The following CELSR3 variants were observed in gnomAD, a reference collection of about 807,000 sequenced individuals.
CELSR3 encodes the protein EGF-like protein 1.
A neutral mutation model predicts 270.0 loss-of-function variants in CELSR3; 73 were observed. The observed-to-expected ratio is 0.27, with a 90% CI of 0.22 to 0.33. The LOEUF is 0.33. Among genes scored for constraint, CELSR3 ranks in the 10% least tolerant of loss-of-function variants. The pLI is 1.00. For synonymous variants in CELSR3, 1,780 were observed against 1,905.4 expected, an observed-to-expected ratio of 0.93 and a Z score of 1.71; for missense variants, 3,614 against 4,533.8, an observed-to-expected ratio of 0.80 and a Z score of 5.83.
At position 48,642,191 on chromosome 3, in the gene CELSR3, G is replaced by T; in HGVS notation, c.8665+167C>A. The stretch of plus-strand genomic sequence containing the variant: ...TATCAGAGGGAAGGACGAATCAGGA[G>T]TGGACTGGGAGAACCAGGGCTGGAG... On this transcript the variant is annotated intron_variant, in intron 31 of 34. Coordinates refer to ENST00000164024, the MANE Select transcript of CELSR3 (RefSeq NM_001407.3). The surrounding 1 kb of genome is among the most constrained non-coding windows in gnomAD (Gnocchi z 6.1). The T allele has an allele frequency of 1.1e-6, 1 of 880,512 alleles. No individual in the cohort carries two copies. Among genetic ancestry groups the T allele is most frequent in the Non-Finnish European group, 1.7e-6 (1 of 591,128 alleles). 54.5% of individuals were successfully genotyped at this position (880,512 alleles called of 1,614,324 possible). A position where few individuals can be genotyped will look rare whatever the true frequency, so the allele number is the denominator to read the frequency against.
chr3:48,649,262 G>T, intron 16 of CELSR3, 47 bp from the exon 17 acceptor site: 2 of 1,470,392 alleles, frequency 1.4e-6, no homozygotes, highest in Non-Finnish European at 1.9e-6. Flanking sequence ...GGATACCTTT[G>T]CTGAGGAGAT....
intron 16 of CELSR3, among the ~76,000 whole-genome samples, chr3:48,649,513 C>G: frequency 6.6e-6 from 1 of 152,238 alleles, no homozygotes; most frequent in East Asian, 1.9e-4. Context: ...CTGGTTCACA[C>G]AGACACACAC....
In CELSR3 at chr3:48,660,157, G is replaced by A. The variant is rs142198045; in HGVS notation, c.2478C>T (p.Tyr826=). 103 of 1,614,058 alleles carry A rather than the reference G, an allele frequency of 6.4e-5. No homozygotes were observed. Among genetic ancestry groups the A allele is most frequent in the Non-Finnish European group, 8.3e-5 (98 of 1,180,050 alleles). The change falls in exon 1 of 35, where the codon TAC becomes TAT. Residue 826 remains tyrosine, a synonymous_variant. Transcript: ENST00000164024. The surrounding 1 kb of genome is among the most constrained non-coding windows in gnomAD (Gnocchi z 5.5). ...CAGATGCAGTTAGTACCAGCTTGAA[G>A]TAGCGTTCCTGCTTGTAGTCCAGTG... ...ALPLDYKQER[Y]FKLVLTASDR... is the part of the protein sequence containing the mutation.
rs371942613 is a variant in CELSR3, at chr3:48,641,288, G to A, written c.9025+36C>T. On this transcript the variant is annotated intron_variant, in intron 33 of 34. Coordinates refer to ENST00000164024, the MANE Select transcript of CELSR3 (RefSeq NM_001407.3). This position sits in a 1 kb window ranked among gnomAD's most constrained non-coding sequence, Gnocchi z 4.8. The stretch of plus-strand genomic sequence containing the variant: ...GCTCAGGGCATGAGCAGCCCCCAGC[G>A]TGTCTGCGGTGTGGGCCAGGGCTCA... 36 of 1,375,320 alleles carry A rather than the reference G, an allele frequency of 2.6e-5. No individual in the cohort carries two copies. Among genetic ancestry groups the A allele is most frequent in the South Asian group, 4.7e-5 (4 of 85,624 alleles). 85.2% of individuals were successfully genotyped at this position (1,375,320 alleles called of 1,614,324 possible). A position where few individuals can be genotyped will look rare whatever the true frequency, so the allele number is the denominator to read the frequency against.
chr3:48,659,702 G>A lies in CELSR3; in HGVS notation c.2933C>T (p.Thr978Ile). 1 of 1,614,242 alleles carries A rather than the reference G, an allele frequency of 6.2e-7. No homozygotes were observed. Among genetic ancestry groups the A allele is most frequent in the Non-Finnish European group, 8.5e-7 (1 of 1,180,042 alleles). The change falls in exon 1 of 35, where the codon ACC becomes ATC. Residue 978 changes from threonine (T) to isoleucine (I), a missense_variant. Physicochemically the swap from Thr to Ile is moderately conservative, Grantham distance 89 (BLOSUM62 -1). This residue lies in a region of CELSR3 where 1,331 missense variants were observed against 1,933.7 expected (regional missense o/e 0.69). Coordinates refer to ENST00000164024, the MANE Select transcript of CELSR3 (RefSeq NM_001407.3). The surrounding 1 kb of genome is among the most constrained non-coding windows in gnomAD (Gnocchi z 8.1). ...AGTGGCTGAGATCTGCAGGACACTG[G>A]TGAAAGGTGGGGCATCCTCAGAGAC... Reference protein sequence around the residue: ...GLVSEDAPPFTSVLQISATDR... With the variant: ...GLVSEDAPPFISVLQISATDR...
rs745542801 is a variant in CELSR3, at chr3:48,659,955, T to C, written c.2680A>G (p.Thr894Ala). Residue 894 changes from threonine to alanine, a missense_variant, in exon 1 of 35, where the codon ACC becomes GCC. Physicochemically the swap from Thr to Ala is moderately conservative, Grantham distance 58. Coordinates refer to ENST00000164024, the MANE Select transcript of CELSR3 (RefSeq NM_001407.3). This position sits in a 1 kb window ranked among gnomAD's most constrained non-coding sequence, Gnocchi z 8.1. ...DDDVGENARITYLLEDNLPQF... is the reference protein window; with the variant it reads ...DDDVGENARIAYLLEDNLPQF... The stretch of plus-strand genomic sequence containing the variant: ...GGCAGGTTGTCCTCCAGGAGATAGG[T>C]GATACGAGCATTCTCACCCACGTCA... The C allele has an allele frequency of 7.4e-6, 12 of 1,613,978 alleles. No individual in the cohort carries two copies. The highest frequency in any genetic ancestry group is 1.3e-5 in the African/African-American group (1 of 74,888).
intron 16 of CELSR3, among the ~76,000 whole-genome samples, chr3:48,649,446 A>T (rs921127429): frequency 1.3e-5 from 2 of 152,366 alleles, no homozygotes; most frequent in South Asian, 4.1e-4. Context: ...CACACAAAGC[A>T]CAAGGGTGGG....
chr3:48,653,677 G>A lies in CELSR3; in HGVS notation c.5390C>T (p.Ala1797Val). The change falls in exon 9 of 35, where the codon GCA becomes GTA. Residue 1797 changes from alanine (A) to valine (V), a missense_variant. This residue lies in a region of CELSR3 where 1,331 missense variants were observed against 1,933.7 expected (regional missense o/e 0.69). Transcript: ENST00000164024. This position sits in a 1 kb window ranked among gnomAD's most constrained non-coding sequence, Gnocchi z 6.5. ...WYLGLAFRTR[A>V]TQGVLMQVQA... ...CACTTGCATCAGGACCCCCTGCGTT[G>A]CCCGTGTCCGAAATGCCAGCCCCAG... 6.2e-7 allele frequency: 1 copy of A among 1,614,182 alleles called. No individual in the cohort carries two copies. Among genetic ancestry groups the A allele is most frequent in the Non-Finnish European group, 8.5e-7 (1 of 1,180,030 alleles).
Position 48,657,055 on chromosome 3 carries a change from T to C in CELSR3, c.4042A>G (p.Ser1348Gly). 6.2e-7 allele frequency: 1 copy of C among 1,613,698 alleles called. No homozygotes were observed. The highest frequency in any genetic ancestry group is 2.2e-5 in the East Asian group (1 of 44,878). Residue 1348 changes from serine (S) to glycine (G), a missense_variant, in exon 2 of 35, where the codon AGC (serine) becomes GGC (glycine). Ser to Gly is a moderately conservative substitution (Grantham distance 56). Transcript: ENST00000164024. The surrounding 1 kb of genome is among the most constrained non-coding windows in gnomAD (Gnocchi z 5.4). ...AACTGCTCCTGCAGCTCCTCGGAGC[T>C]GAACCAGGGCCCTGCAGCGCCCGCC... ...AGAGAAGPWF[S>G]SEELQEQLYV...
rs947051812 is a variant in CELSR3 at position 48,636,474 on chromosome 3, G to C, written c.*1731C>G. 8.5e-5 allele frequency: 13 copies of C among 152,184 alleles called. No homozygotes were observed. The highest frequency in any genetic ancestry group is 3.1e-4 in the African/African-American group (13 of 41,428). 9.4% of individuals were successfully genotyped at this position (152,184 alleles called of 1,614,324 possible). A position where few individuals can be genotyped will look rare whatever the true frequency, so the allele number is the denominator to read the frequency against. ...GAAAAGGCAACAACTGTTTTCTATA[G>C]AAGTTTATTCCCAAAACAGAGCGCG... On this transcript the variant is annotated 3_prime_UTR_variant, in exon 35 of 35. Coordinates refer to ENST00000164024, the MANE Select transcript of CELSR3 (RefSeq NM_001407.3).
rs1229657789 is a variant in CELSR3 at position 48,639,959 on chromosome 3, C to G, written c.9626G>C (p.Ser3209Thr). The G allele has an allele frequency of 3.1e-5, 50 of 1,612,750 alleles. No individual in the cohort carries two copies. Among genetic ancestry groups the G allele is most frequent in the Non-Finnish European group, 4.1e-5 (48 of 1,180,012 alleles). Residue 3209 changes from serine (S) to threonine (T), a missense_variant, in exon 34 of 35, where the codon AGC becomes ACC. Ser to Thr is a moderately conservative substitution (Grantham distance 58). Around this residue, in one of 7 missense-constraint regions of CELSR3, gnomAD observed 1,240 missense variants for 1,351.7 expected, o/e 0.92. Coordinates refer to ENST00000164024, the MANE Select transcript of CELSR3 (RefSeq NM_001407.3). This position sits in a 1 kb window ranked among gnomAD's most constrained non-coding sequence, Gnocchi z 4.1. The stretch of plus-strand genomic sequence containing the variant: ...AAGGGCTTCTCGTGAGGGGTGCCGG[C>G]TAGGCACCTGGTCCAGCTGCTCCCG... ...NSREQLDQVP[S>T]RHPSREALGP...
chr3:48,638,751 C>T (rs2106693867), intron 34 of CELSR3, among the ~76,000 whole-genome samples: 1 of 150,816 alleles, frequency 6.6e-6, no homozygotes, highest in South Asian at 2.1e-4. Context: ...CGTGGGTTAG[C>T]TCCCTCTGGT....
chr3:48,656,419 G>A (rs943808197), intron 2 of CELSR3, 54 bp from the exon 3 acceptor site: 2 of 1,368,004 alleles, frequency 1.5e-6, no homozygotes, highest in South Asian at 1.7e-5. Context: ...CCCCTGCTCC[G>A]GCCCCTTCAA....
intron 20 of CELSR3, 145 bp from the exon 21 acceptor site, chr3:48,647,073 A>G (rs959208619): frequency 4.2e-6 from 3 of 722,654 alleles, no homozygotes; most frequent in Non-Finnish European, 6.4e-6. Context: ...CCAGAAAGTA[A>G]CAGTCAAGGC....
rs767216143 is a variant in CELSR3, at chr3:48,655,884, G to A, written c.4626-33C>T. ...GGGTGGGAGGGGGTTGCGGGGGTGGGAGCGTCAGGAGCAGGGTACCACTTC... is the reference window on the plus strand; with the variant it reads ...GGGTGGGAGGGGGTTGCGGGGGTGGAAGCGTCAGGAGCAGGGTACCACTTC... On this transcript the variant is annotated intron_variant, in intron 3 of 34. Coordinates refer to ENST00000164024, the MANE Select transcript of CELSR3 (RefSeq NM_001407.3). The surrounding 1 kb of genome is among the most constrained non-coding windows in gnomAD (Gnocchi z 5.8). 15 of 553,544 alleles carry A rather than the reference G, an allele frequency of 2.7e-5. No homozygotes were observed. Among genetic ancestry groups the A allele is most frequent in the East Asian group, 5.2e-5 (1 of 19,408 alleles). The allele number at this position is 553,544 out of a possible 1,614,324, so 34.3% of individuals were successfully genotyped here.
Position 48,645,583 on chromosome 3 carries a change from C to T in CELSR3, c.7657G>A (p.Ala2553Thr), listed in dbSNP as rs148549906. Residue 2553 changes from alanine to threonine, a missense_variant, in exon 24 of 35, where the codon GCG becomes ACG. Physicochemically the swap from Ala to Thr is moderately conservative, Grantham distance 58. Transcript: ENST00000164024. This position sits in a 1 kb window ranked among gnomAD's most constrained non-coding sequence, Gnocchi z 5.4. Reference sequence around the variant, plus strand: ...AGGATGGCTGCAGTCAGCACCAGCGCAGCCACAGACACAGCCACGACCACG... The same window carrying T: ...AGGATGGCTGCAGTCAGCACCAGCGTAGCCACAGACACAGCCACGACCACG... ...THVVVAVSVA[A>T]LVLTAAILLS... is the part of the protein sequence containing the mutation. 8.8e-5 allele frequency: 142 copies of T among 1,612,448 alleles called. No homozygotes were observed. The highest frequency in any genetic ancestry group is 1.1e-4 in the Non-Finnish European group (131 of 1,179,868).
Position 48,644,671 on chromosome 3 carries a change from T to G in CELSR3, c.8085+45A>C. 1.4e-5 allele frequency: 21 copies of G among 1,459,228 alleles called. No individual in the cohort carries two copies. The highest frequency in any genetic ancestry group is 2.0e-5 in the Non-Finnish European group (21 of 1,042,330). 90.4% of individuals were successfully genotyped at this position (1,459,228 alleles called of 1,614,324 possible). A position where few individuals can be genotyped will look rare whatever the true frequency, so the allele number is the denominator to read the frequency against. On this transcript the variant is annotated intron_variant, in intron 26 of 34. Coordinates refer to ENST00000164024, the MANE Select transcript of CELSR3 (RefSeq NM_001407.3). This position sits in a 1 kb window ranked among gnomAD's most constrained non-coding sequence, Gnocchi z 4.8. ...GAGTCCACTGCACCTCCTCCCCCAA[T>G]GAGGGAGGGAAGTACAGAGGGGGCA...
At position 48,653,937 on chromosome 3, in the gene CELSR3, C is replaced by A. The variant is rs369198712; in HGVS notation, c.5219G>T (p.Arg1740Leu). 2 of 1,613,358 alleles carry A rather than the reference C, an allele frequency of 1.2e-6. No individual in the cohort carries two copies. The highest frequency in any genetic ancestry group is 1.3e-5 in the African/African-American group (1 of 74,946). ...GCAGTCGCAGCTGAAGCTGCCCCAG[C>A]GCTCCGAGCAGAAGCCACTGTTCTT... ...PCKNSGFCSE[R>L]WGSFSCDCPV... The change falls in exon 8 of 35, where the codon CGC becomes CTC. Residue 1740 changes from arginine (R) to leucine (L), a missense_variant. Arg to Leu is a moderately radical substitution (Grantham distance 102, BLOSUM62 -2). Coordinates refer to ENST00000164024, the MANE Select transcript of CELSR3 (RefSeq NM_001407.3). This position sits in a 1 kb window ranked among gnomAD's most constrained non-coding sequence, Gnocchi z 6.5.
intron 27 of CELSR3, chr3:48,643,946 C>T (rs1373227013): frequency 5.1e-6 from 3 of 589,256 alleles, no homozygotes; most frequent in Admixed American, 6.0e-5. Context: ...TGGGAACACA[C>T]AGGGCAGGGG....
Sources: gnomAD v4.1 joint callset for allele counts (sites outside exome capture counted in the v4.1 genomes callset) on GRCh38, gnomAD v4.1.1 for gene constraint, gnomAD v4.1.1 regional missense constraint, Gnocchi (gnomAD v3.1) non-coding constraint, MANE v1.5 for transcripts, NCBI Gene and HGNC (gene_info 2026-07-23, HGNC 2026-07-21) for gene names.